Variants in NAALADL2 observed in about 807,000 individuals in gnomAD.
NAALADL2 encodes inactive N-acetylated-alpha-linked acidic dipeptidase-like protein 2.
NAALADL2 carries 76 observed loss-of-function variants against 87.2 expected under a neutral mutation model. The observed-to-expected ratio is 0.87, with a 90% CI of 0.72 to 1.05. The LOEUF (loss-of-function observed/expected upper bound fraction) is 1.05. NAALADL2 is among the 50% of genes least tolerant of loss of function. NAALADL2 has a pLI of 0.00. For synonymous variants in NAALADL2, 354 were observed against 331.0 expected, an observed-to-expected ratio of 1.07 and a Z score of -0.75; for missense variants, 1,089 against 945.8, an observed-to-expected ratio of 1.15 and a Z score of -1.99.
intron 1 of NAALADL2, among the ~76,000 whole-genome samples, chr3:174,928,012 C>T (rs1273141380): frequency 1.3e-5 from 2 of 151,962 alleles, no homozygotes; most frequent in African/African-American, 4.8e-5. Flanking sequence ...TAGCCACCTT[C>T]TTATTTTTAT....
intron 11 of NAALADL2, among the ~76,000 whole-genome samples, chr3:175,660,829 G>A (rs1732149393): frequency 6.6e-6 from 1 of 152,044 alleles, no homozygotes; most frequent in Non-Finnish European, 1.5e-5. Context: ...TGCTGCAAAT[G>A]ACAGGATTTC....
At chr3:174,628,278 C>T (rs1284224425) in intron 2 of NAALADL2, among the ~76,000 whole-genome samples, 3 of 151,722 alleles carry the variant, frequency 2.0e-5, no homozygotes, top group Non-Finnish European at 2.9e-5. Context: ...GAGTTTGAGA[C>T]GAGCCTGGCC....
chr3:174,623,008 A>G (rs906895207), intron 2 of NAALADL2, among the ~76,000 whole-genome samples: 11 of 152,218 alleles, frequency 7.2e-5, no homozygotes, highest in Non-Finnish European at 1.6e-4. Flanking sequence ...GCGCCACTGC[A>G]CACCAGCCTG....
At chr3:174,984,647 T>G (rs1233139656) in intron 1 of NAALADL2, among the ~76,000 whole-genome samples, 1 of 151,962 alleles carries the variant, frequency 6.6e-6, no homozygotes, top group Admixed American at 6.6e-5. Context: ...TGATATCAAT[T>G]TTTTTTTCAT....
chr3:175,137,280 T>G (rs1315338869), intron 2 of NAALADL2, among the ~76,000 whole-genome samples: 2 of 152,068 alleles, frequency 1.3e-5, no homozygotes, highest in Non-Finnish European at 2.9e-5. Flanking sequence ...GGATGTATAA[T>G]TTTTTTAAAT....
chr3:175,178,375 T>G (rs1735990086), intron 2 of NAALADL2, among the ~76,000 whole-genome samples: 1 of 152,038 alleles, frequency 6.6e-6, no homozygotes. Context: ...TTAATCAATG[T>G]CAGATAAAAT....
intron 1 of NAALADL2, among the ~76,000 whole-genome samples, chr3:174,905,051 CAG>C (rs1732808600): frequency 6.6e-6 from 1 of 151,598 alleles, no homozygotes; most frequent in Admixed American, 6.6e-5. Flanking sequence ...TCTAGAATGA[CAG>C]AGTTTAGAAG....
In NAALADL2 at chr3:174,750,400, A is replaced by ATTC. The variant is rs147238623; in HGVS notation, c.-9+12675_-9+12677dup. Among the ~76,000 whole-genome samples the ATTC allele has an allele frequency of 5.1e-3, 775 of 151,404 alleles. 5 individuals are homozygous for ATTC. Among genetic ancestry groups the ATTC allele is most frequent in the African/African-American group, 0.016 (675 of 41,234 alleles). ...TTCTCTTGAAGGATATTTCATTTCC[A>ATTC]TTCTTCTTCTTCTTCTTCTTCTTTT... On this transcript the variant is annotated intron_variant, in intron 3 of 3. Transcript: ENST00000434257.
rs186607322 is a variant in NAALADL2, at chr3:175,318,802, C to T, written c.940-5373C>T. Among the ~76,000 whole-genome samples the T allele has an allele frequency of 1.7e-4, 26 of 152,260 alleles. No homozygotes were observed. In the East Asian group the frequency reaches 4.1e-3, roughly 24 times the overall value. The stretch of plus-strand genomic sequence containing the variant: ...TTGTAATTAAACTACTCTCCCCAAC[C>T]GCTCTCTAGCAATCACTGATCTGAT... On this transcript the variant is annotated intron_variant, in intron 4 of 13. Coordinates refer to ENST00000454872, the MANE Select transcript of NAALADL2 (RefSeq NM_207015.3).
intron 1 of NAALADL2, among the ~76,000 whole-genome samples, chr3:174,932,671 A>T (rs1167031157): frequency 1.3e-5 from 2 of 152,202 alleles, no homozygotes; most frequent in African/African-American, 4.8e-5. Flanking sequence ...TCAGCAAAAA[A>T]ATACCATATA....
chr3:174,647,419 A>G (rs74711682), intron 2 of NAALADL2, among the ~76,000 whole-genome samples: 5,985 of 152,274 alleles, frequency 0.039, 400 homozygotes, highest in African/African-American at 0.13. Flanking sequence ...ACTGGAAGAC[A>G]TGTCTTGTCT....
chr3:175,251,481 G>A (rs540203325), intron 3 of NAALADL2, among the ~76,000 whole-genome samples: 1 of 152,290 alleles, frequency 6.6e-6, no homozygotes, highest in South Asian at 2.1e-4. Context: ...AGAATGGATA[G>A]CTTAAGTAAC....
In NAALADL2 at chr3:174,483,739, A is replaced by G. The variant is rs533305391; in HGVS notation, c.-184+42707A>G. On this transcript the variant is annotated intron_variant, in intron 1 of 3. Transcript: ENST00000434257. Reference sequence around the variant, plus strand: ...CTTAAGTTGGAATTTAAAAAGGAGAATGAGGAGAAAAGTGAATGAAGCAAA... The same window carrying G: ...CTTAAGTTGGAATTTAAAAAGGAGAGTGAGGAGAAAAGTGAATGAAGCAAA... 2.5e-4 allele frequency among the ~76,000 whole-genome samples: 38 copies of G among 152,200 alleles called. 1 individual carries two copies. In the East Asian group the frequency reaches 7.3e-3, roughly 29 times the overall value.
chr3:175,787,508 G>T (rs1441916020), intron 13 of NAALADL2, among the ~76,000 whole-genome samples: 1 of 152,170 alleles, frequency 6.6e-6, no homozygotes, highest in Admixed American at 6.5e-5. Context: ...CTTTGACTCG[G>T]AAAGGGAACT....
At chr3:175,344,036 A>C (rs531926294) in intron 5 of NAALADL2, among the ~76,000 whole-genome samples, 1 of 152,190 alleles carries the variant, frequency 6.6e-6, no homozygotes, top group South Asian at 2.1e-4. Flanking sequence ...TTCTGAAAAA[A>C]TACTGGTTTA....
At chr3:175,124,741 A>G (rs565613033) in intron 2 of NAALADL2, 2 of 152,198 alleles carry the variant, frequency 1.3e-5, no homozygotes, top group South Asian at 4.1e-4. Context: ...GAATAAGAAT[A>G]TATCATATGA....
intron 2 of NAALADL2, among the ~76,000 whole-genome samples, chr3:175,142,980 A>G (rs562179836): frequency 6.6e-6 from 1 of 151,952 alleles, no homozygotes; most frequent in South Asian, 2.1e-4. Context: ...ATATATTTAA[A>G]TTGGATAATT....
chr3:174,843,988 AT>A (rs1724308967), intron 3 of NAALADL2, among the ~76,000 whole-genome samples: 1 of 151,976 alleles, frequency 6.6e-6, no homozygotes, highest in African/African-American at 2.4e-5. Flanking sequence ...CCCTTCACTC[AT>A]TTCCTTTGCT....
In NAALADL2 at chr3:175,778,331, G is replaced by A. The variant is rs548824993; in HGVS notation, c.2189+22913G>A. ...TGGGTGGCATTTTCAATTAGTTAAT[G>A]GCGTGGTCAAATATAAAAGGACAGC... On this transcript the variant is annotated intron_variant, in intron 13 of 13. Coordinates refer to ENST00000454872, the MANE Select transcript of NAALADL2 (RefSeq NM_207015.3). Among the ~76,000 whole-genome samples the A allele has an allele frequency of 3.3e-5, 5 of 152,276 alleles. No individual in the cohort carries two copies. The East Asian group carries it at 9.7e-4, about 29-fold the overall frequency.
Sources: gnomAD v4.1 joint callset for allele counts (sites outside exome capture counted in the v4.1 genomes callset) on GRCh38, gnomAD v4.1.1 for gene constraint, MANE v1.5 for transcripts, NCBI Gene and HGNC (gene_info 2026-07-23, HGNC 2026-07-21) for gene names.